Variants in PRKN observed in about 807,000 individuals in gnomAD.
The protein encoded by PRKN is parkin RBR E3 ubiquitin protein ligase.
Under a neutral mutation model 59.5 loss-of-function variants are expected in PRKN, and 56 were observed. The ratio of observed to expected loss-of-function variants is 0.94; its 90% CI spans 0.76 to 1.18. The LOEUF (loss-of-function observed/expected upper bound fraction) is 1.18, where lower values mean the gene tolerates loss of function less well. Among genes scored for constraint, PRKN ranks in the 50% most tolerant of loss-of-function variants. The pLI is 0.00. For synonymous variants in PRKN, 250 were observed against 222.1 expected (o/e 1.13, Z -1.12); for missense variants, 657 against 596.4 (o/e 1.10, Z -1.06).
chr6:162,500,950 G>T (rs1793335303), intron 1 of PRKN, among the ~76,000 whole-genome samples: 1 of 152,160 alleles, frequency 6.6e-6, no homozygotes, highest in African/African-American at 2.4e-5. Flanking sequence ...AGGACTGCTT[G>T]AGGCCGGGAG....
chr6:161,873,568 A>C (rs1206812141), intron 6 of PRKN, among the ~76,000 whole-genome samples: 1 of 152,026 alleles, frequency 6.6e-6, no homozygotes, highest in Non-Finnish European at 1.5e-5. Flanking sequence ...CCAGAAAAAA[A>C]TGGAAATCCC....
chr6:162,604,464 T>A (rs1781827421), intron 1 of PRKN, among the ~76,000 whole-genome samples: 1 of 152,202 alleles, frequency 6.6e-6, no homozygotes. Flanking sequence ...TGCAGACTCT[T>A]CGTAAAGCCA....
At chr6:161,382,271 C>A (rs955298624) in intron 10 of PRKN, among the ~76,000 whole-genome samples, 2 of 152,026 alleles carry the variant, frequency 1.3e-5, no homozygotes, top group East Asian at 1.9e-4. Flanking sequence ...GTGGGGAGGG[C>A]AGATGGCTTC....
At chr6:162,322,090 C>T in intron 2 of PRKN, among the ~76,000 whole-genome samples, 1 of 118,974 alleles carries the variant, frequency 8.4e-6, no homozygotes, top group East Asian at 2.1e-4. Context: ...ATAGAAATTT[C>T]TATAGAATCT....
rs556740690 is a variant in PRKN at position 161,353,287 on chromosome 6, C to T, written c.1286-3076G>A. On this transcript the variant is annotated intron_variant, in intron 11 of 11. Coordinates refer to ENST00000366898, the MANE Select transcript of PRKN (RefSeq NM_004562.3). This position sits in a 1 kb window ranked among gnomAD's most constrained non-coding sequence, Gnocchi z 4.8. ...TGTTCTGACTGTGGGTTATAAGACC[C>T]GGATTTCAGAAAGAGTCCTGTCCAT... is the stretch of plus-strand genomic sequence containing the variant. Among the ~76,000 whole-genome samples the T allele has an allele frequency of 6.6e-6, 1 of 152,212 alleles. No individual in the cohort carries two copies. Among genetic ancestry groups the T allele is most frequent in the East Asian group, 1.9e-4 (1 of 5,164 alleles).
chr6:161,552,182 T>C lies in PRKN; in HGVS notation c.934-3179A>G, dbSNP rs1479862383. ...CCAACACTGAGCTGCAAAGGCAAAG[T>C]AGAAAGAATGGTGGATTTAAGTTTG... is the stretch of plus-strand genomic sequence containing the variant. On this transcript the variant is annotated intron_variant, in intron 8 of 11. Transcript: ENST00000366898. The surrounding 1 kb of genome is among the most constrained non-coding windows in gnomAD (Gnocchi z 4.9). Among the ~76,000 whole-genome samples, 1 of 152,164 alleles carries C rather than the reference T, an allele frequency of 6.6e-6. No individual in the cohort carries two copies. Among genetic ancestry groups the C allele is most frequent in the Non-Finnish European group, 1.5e-5 (1 of 68,038 alleles).
intron 6 of PRKN, among the ~76,000 whole-genome samples, chr6:161,849,959 C>T (rs759732577): frequency 6.6e-6 from 1 of 152,018 alleles, no homozygotes; most frequent in African/African-American, 2.4e-5. Flanking sequence ...TTTTCGCTAC[C>T]GTAAAGCCCA....
At chr6:161,384,212 C>T (rs2114936649) in intron 10 of PRKN, among the ~76,000 whole-genome samples, 1 of 152,304 alleles carries the variant, frequency 6.6e-6, no homozygotes, top group Non-Finnish European at 1.5e-5. Context: ...GGGCCTAGAA[C>T]CATGCCTAAC....
At chr6:162,558,931 G>A (rs866875585) in intron 1 of PRKN, among the ~76,000 whole-genome samples, 4 of 151,900 alleles carry the variant, frequency 2.6e-5, no homozygotes, top group South Asian at 4.2e-4. Flanking sequence ...ATGAGCCACC[G>A]CGCCCAGCCA....
chr6:162,380,397 CTA>C (rs5881472), intron 2 of PRKN, among the ~76,000 whole-genome samples: 87,050 of 134,272 alleles, frequency 0.65, 28,504 homozygotes, highest in African/African-American at 0.79. Flanking sequence ...TAGTTTAAAG[CTA>C]TATATATATA....
At chr6:161,795,622 A>G (rs78615236) in intron 6 of PRKN, among the ~76,000 whole-genome samples, 1,679 of 152,132 alleles carry the variant, frequency 0.011, 32 homozygotes, top group South Asian at 0.04. Context: ...GCTACTATGC[A>G]CCGGTCCCTG....
chr6:162,284,033 T>TC (rs1372275127), intron 2 of PRKN, among the ~76,000 whole-genome samples: 1 of 151,708 alleles, frequency 6.6e-6, no homozygotes, highest in Non-Finnish European at 1.5e-5. Flanking sequence ...TAAAATAAAA[T>TC]CAGTAAAATA....
Position 161,533,293 on chromosome 6 carries a change from G to C in PRKN, c.1083+15561C>G, listed in dbSNP as rs868139328. The stretch of plus-strand genomic sequence containing the variant: ...AAATTACTTGGGCAGTGAGGGTATG[G>C]AAGTCCTCAGTAAGGTTTTCTTCTT... On this transcript the variant is annotated intron_variant, in intron 9 of 11. Transcript: ENST00000366898. The surrounding 1 kb of genome is among the most constrained non-coding windows in gnomAD (Gnocchi z 4.1). Among the ~76,000 whole-genome samples the C allele has an allele frequency of 6.6e-6, 1 of 152,260 alleles. No homozygotes were observed. The highest frequency in any genetic ancestry group is 3.4e-3 in the Middle Eastern group (1 of 294).
At chr6:161,937,823 C>G (rs1266218850) in intron 6 of PRKN, among the ~76,000 whole-genome samples, 3 of 152,058 alleles carry the variant, frequency 2.0e-5, no homozygotes, top group Admixed American at 6.5e-5. Context: ...AGCCTTTTGT[C>G]TTTCTTCTTA....
chr6:162,274,243 G>T (rs1408444273), intron 2 of PRKN, among the ~76,000 whole-genome samples: 1 of 151,962 alleles, frequency 6.6e-6, no homozygotes, highest in Non-Finnish European at 1.5e-5. Flanking sequence ...AGGCTGGAGT[G>T]CAGGCATGAT....
chr6:162,443,158 G>A, intron 2 of PRKN, 152 bp downstream of exon 2: 1 of 734,260 alleles, frequency 1.4e-6, no homozygotes, highest in Non-Finnish European at 2.2e-6. Flanking sequence ...AAGAAGGTCA[G>A]AATTAATGAA....
chr6:162,074,782 A>G (rs1778748984), intron 4 of PRKN, among the ~76,000 whole-genome samples: 1 of 152,144 alleles, frequency 6.6e-6, no homozygotes, highest in African/African-American at 2.4e-5. Flanking sequence ...CCTATGTTAA[A>G]CCAATGAAAT....
At chr6:161,627,210 AG>A (rs1231529295) in intron 7 of PRKN, among the ~76,000 whole-genome samples, 4 of 152,246 alleles carry the variant, frequency 2.6e-5, no homozygotes, top group Non-Finnish European at 5.9e-5. Flanking sequence ...AGTCATGCTA[AG>A]ATGATCTTAC....
chr6:161,850,590 A>AAC (rs1229096754), intron 6 of PRKN, among the ~76,000 whole-genome samples: 3 of 151,864 alleles, frequency 2.0e-5, no homozygotes, highest in Non-Finnish European at 4.4e-5. Context: ...AAAAAAAAAA[A>AAC]AAAACTCTAC....
Sources: allele counts gnomAD v4.1 joint callset (sites outside exome capture counted in the v4.1 genomes callset), GRCh38; gene constraint gnomAD v4.1.1; non-coding constraint Gnocchi (gnomAD v3.1); transcripts MANE v1.5; gene names NCBI Gene and HGNC (gene_info 2026-07-23, HGNC 2026-07-21).